Variants in ELSPBP1 observed in about 807,000 individuals in gnomAD.
The protein encoded by ELSPBP1 is epididymal sperm-binding protein 1.
A neutral mutation model predicts 33.3 loss-of-function variants in ELSPBP1; 38 were observed. The observed-to-expected ratio is 1.14, with a 90% confidence interval of 0.88 to 1.50. The LOEUF (loss-of-function observed/expected upper bound fraction) is 1.50. Ranked by LOEUF, ELSPBP1 falls within the 40% of genes most tolerant of loss-of-function variation. The probability of loss-of-function intolerance (pLI) is 0.00; values close to 1 mark genes in which losing one functional copy is unlikely to be tolerated. For synonymous variants in ELSPBP1, 85 were observed against 94.1 expected (o/e 0.90, Z 0.56); for missense variants, 267 against 263.5 (o/e 1.01, Z -0.09).
rs184344059 is a variant in ELSPBP1 at position 47,997,162 on chromosome 19, C to T, written c.-18+2351C>T. 2.9e-3 allele frequency among the ~76,000 whole-genome samples: 442 copies of T among 152,254 alleles called. 1 individual carries two copies. Among genetic ancestry groups the T allele is most frequent in the Non-Finnish European group, 5.1e-3 (350 of 68,022 alleles). On this transcript the variant is annotated intron_variant, in intron 1 of 6. Coordinates refer to ENST00000339841, the MANE Select transcript of ELSPBP1 (RefSeq NM_022142.5). ...TTGGAATGCCAACACCAAGAGGCCCCGGCACAGCGCTTTGCTCTATAGATG... is the reference window on the plus strand; with the variant it reads ...TTGGAATGCCAACACCAAGAGGCCCTGGCACAGCGCTTTGCTCTATAGATG...
At chr19:48,005,786 T>C (rs772071473) in intron 1 of ELSPBP1, among the ~76,000 whole-genome samples, 2 of 152,210 alleles carry the variant, frequency 1.3e-5, no homozygotes, top group Non-Finnish European at 2.9e-5. Flanking sequence ...TGGAGTTCAC[T>C]TGCAAGTTCT....
At chr19:48,024,434 T>TCCC (rs1967248757) in intron 6 of ELSPBP1, among the ~76,000 whole-genome samples, 2 of 152,222 alleles carry the variant, frequency 1.3e-5, no homozygotes, top group South Asian at 4.2e-4. Context: ...CCATCCCTCC[T>TCCC]CCCTTTGGGG....
At chr19:48,023,438 GAAA>G (rs1967228598) in intron 6 of ELSPBP1, among the ~76,000 whole-genome samples, 1 of 111,932 alleles carries the variant, frequency 8.9e-6, no homozygotes, top group Admixed American at 9.5e-5. Flanking sequence ...GAGGAAGGGA[GAAA>G]GTAGGAAAGG....
intron 2 of ELSPBP1, among the ~76,000 whole-genome samples, chr19:48,013,034 C>T (rs1967093853): frequency 6.6e-6 from 1 of 152,118 alleles, no homozygotes; most frequent in South Asian, 2.1e-4. Context: ...ATTAGAGATG[C>T]AGTAGAGAAA....
chr19:48,020,876 C>G (rs189999000), intron 5 of ELSPBP1, among the ~76,000 whole-genome samples: 1 of 152,198 alleles, frequency 6.6e-6, no homozygotes, highest in African/African-American at 2.4e-5. Flanking sequence ...TATATTTCTG[C>G]GCCACTCCGG....
At chr19:48,022,459 G>A (rs904877945) in intron 6 of ELSPBP1, 125 bp downstream of exon 6, 6 of 810,604 alleles carry the variant, frequency 7.4e-6, no homozygotes, top group Non-Finnish European at 1.1e-5. Flanking sequence ...CGTCGCTGAT[G>A]TGAAGGCGAG....
At chr19:48,001,762 A>C (rs1289857788) in intron 1 of ELSPBP1, among the ~76,000 whole-genome samples, 2 of 151,446 alleles carry the variant, frequency 1.3e-5, no homozygotes, top group East Asian at 3.9e-4. Context: ...TGTGTTACCT[A>C]GGCTGATCTC....
At chr19:48,015,242 G>A (rs1967119218) in intron 3 of ELSPBP1, among the ~76,000 whole-genome samples, 1 of 152,172 alleles carries the variant, frequency 6.6e-6, no homozygotes, top group African/African-American at 2.4e-5. Flanking sequence ...TTCATGTTGA[G>A]GAGGAGGAGG....
chr19:48,008,855 G>C, intron 2 of ELSPBP1, 118 bp downstream of exon 2: 1 of 880,330 alleles, frequency 1.1e-6, no homozygotes, highest in Admixed American at 2.2e-5. Context: ...CTCAGAAGAA[G>C]CTGGGCGCGG....
chr19:48,019,866 GT>G lies in ELSPBP1; in HGVS notation c.504del (p.Cys168TrpfsTer73). The G allele has an allele frequency of 6.2e-7, 1 of 1,612,876 alleles. No homozygotes were observed. Among genetic ancestry groups the G allele is most frequent in the Non-Finnish European group, 8.5e-7 (1 of 1,179,358 alleles). On this transcript the variant is annotated frameshift_variant, in exon 5 of 7. Transcript: ENST00000339841. LOFTEE classifies it high-confidence loss of function. The part of the protein sequence containing the change: ...NMDKDGKWSF[C>X]ADTRISALVP... ...GATAAGGATGGAAAGTGGAGTTTCT[GT>G]GCCGACACCAGTAATCTGGGGATGG...
At chr19:48,021,689 A>G (rs976413915) in intron 5 of ELSPBP1, among the ~76,000 whole-genome samples, 8 of 152,128 alleles carry the variant, frequency 5.3e-5, no homozygotes, top group African/African-American at 1.7e-4. Context: ...ACCTCAAGTC[A>G]TCTGCCTGCC....
Position 48,016,016 on chromosome 19 carries a change from A to T in ELSPBP1, c.332A>T (p.Gln111Leu). 6.2e-7 allele frequency: 1 copy of T among 1,613,718 alleles called. No individual in the cohort carries two copies. Among genetic ancestry groups the T allele is most frequent in the Non-Finnish European group, 8.5e-7 (1 of 1,179,930 alleles). ...ACCTCTGTCTTCGATGAGAAACAGC[A>T]GTGGAAATTCTGTGAAACGAATGGT... ...SVTSVFDEKQQWKFCETNEYG... is the reference protein window; with the variant it reads ...SVTSVFDEKQLWKFCETNEYG... The change falls in exon 4 of 7, where the codon CAG becomes CTG. Residue 111 changes from glutamine (Q) to leucine (L), a missense_variant. Physicochemically the swap from Gln to Leu is moderately radical, Grantham distance 113 (BLOSUM62 -2). Transcript: ENST00000339841.
At position 48,022,340 on chromosome 19, in the gene ELSPBP1, A is replaced by G. The variant is rs1183474378; in HGVS notation, c.*7+6A>G. The G allele has an allele frequency of 6.2e-7, 1 of 1,603,250 alleles. No homozygotes were observed. Among genetic ancestry groups the G allele is most frequent in the African/African-American group, 1.3e-5 (1 of 74,712 alleles). ...GGTGTATTGCTGATGCTGAGGTGAG[A>G]GCAGGGACCAACAGTGGTCATTTCA... is the stretch of plus-strand genomic sequence containing the variant. On this transcript the variant is annotated splice_donor_region_variant and intron_variant, in intron 6 of 6. Transcript: ENST00000339841.
rs187837762 is a variant in ELSPBP1 at position 48,000,412 on chromosome 19, T to A, written c.-18+5601T>A. ...CGTGCCACCACGCCCAGCTAATTTTTGTATTTTTAGTAGAGACGTGGTTTC... is the reference window on the plus strand; with the variant it reads ...CGTGCCACCACGCCCAGCTAATTTTAGTATTTTTAGTAGAGACGTGGTTTC... On this transcript the variant is annotated intron_variant, in intron 1 of 6. Coordinates refer to ENST00000339841, the MANE Select transcript of ELSPBP1 (RefSeq NM_022142.5). Among the ~76,000 whole-genome samples, 596 of 152,222 alleles carry A rather than the reference T, an allele frequency of 3.9e-3. 2 individuals are homozygous for A. Among genetic ancestry groups the A allele is most frequent in the African/African-American group, 0.014 (569 of 41,532 alleles).
intron 1 of ELSPBP1, 32 bp from the exon 2 acceptor site, chr19:48,008,619 T>C: frequency 1.3e-6 from 2 of 1,517,926 alleles, no homozygotes; most frequent in South Asian, 1.1e-5. Flanking sequence ...AGGGGACGTG[T>C]GGGATGAAAA....
At chr19:47,999,680 C>A (rs1363250464) in intron 1 of ELSPBP1, among the ~76,000 whole-genome samples, 1 of 149,598 alleles carries the variant, frequency 6.7e-6, no homozygotes, top group Non-Finnish European at 1.5e-5. Flanking sequence ...GAGCCACCAC[C>A]CTGGTCAGAA....
chr19:48,021,820 C>G (rs1166819937), intron 5 of ELSPBP1, among the ~76,000 whole-genome samples: 1 of 152,106 alleles, frequency 6.6e-6, no homozygotes, highest in Admixed American at 6.6e-5. Context: ...AATCATGGCT[C>G]AATGCCGCCT....
chr19:48,012,798 T>A (rs1050310316), intron 2 of ELSPBP1, among the ~76,000 whole-genome samples: 1 of 152,186 alleles, frequency 6.6e-6, no homozygotes, highest in Non-Finnish European at 1.5e-5. Flanking sequence ...TTACTTTTCT[T>A]CACTTTAAAA....
At chr19:48,020,915 TG>T (rs199851889) in intron 5 of ELSPBP1, among the ~76,000 whole-genome samples, 3 of 151,938 alleles carry the variant, frequency 2.0e-5, no homozygotes, top group East Asian at 1.9e-4. Context: ...TAGCTGTGGG[TG>T]GGGGGGTGTG....
Sources: allele counts gnomAD v4.1 joint callset (sites outside exome capture counted in the v4.1 genomes callset), GRCh38; gene constraint gnomAD v4.1.1; transcripts MANE v1.5; gene names NCBI Gene and HGNC (gene_info 2026-07-23, HGNC 2026-07-21).